ARHGAP22: variants seen among roughly 807,000 people sequenced by gnomAD.
ARHGAP22 encodes rho GTPase-activating protein 22.
In ARHGAP22, 48 loss-of-function variants were observed where a neutral mutation model predicts 59.1. That is an observed-to-expected ratio of 0.81 (90% confidence interval 0.64 to 1.03). The LOEUF is 1.03. Among genes scored for constraint, ARHGAP22 ranks in the 50% least tolerant of loss-of-function variants. ARHGAP22 has a pLI of 0.00. For synonymous variants in ARHGAP22, 445 were observed against 416.4 expected (o/e 1.07, Z -0.84); for missense variants, 1,015 against 958.7 (o/e 1.06, Z -0.78).
chr10:48,582,961 T>C lies in ARHGAP22; in HGVS notation c.226A>G (p.Lys76Glu). ...GGACATGCACTTCTCACCTGGGGCT[T>C]GATCTCATCTTTGTCCTTGTAGTAG... ...LFYYKDKDEI[K>E]PQGFISLQGT... The change falls in exon 2 of 10, where the codon AAG (lysine) becomes GAG (glutamate). Residue 76 changes from lysine to glutamate, a missense_variant. Physicochemically the swap from Lys to Glu is moderately conservative, Grantham distance 56 (BLOSUM62 1). Transcript: ENST00000249601. The C allele has an allele frequency of 1.9e-6, 3 of 1,614,250 alleles. No individual in the cohort carries two copies. Among genetic ancestry groups the C allele is most frequent in the Non-Finnish European group, 2.5e-6 (3 of 1,180,036 alleles).
chr10:48,606,314 GC>G (rs2060671071), upstream of ARHGAP22, among the ~76,000 whole-genome samples: 1 of 152,114 alleles, frequency 6.6e-6, no homozygotes, highest in South Asian at 2.1e-4. Flanking sequence ...GGAACAGTGT[GC>G]CCTATGGAGA....
intron 3 of ARHGAP22, chr10:48,493,471 C>T: frequency 2.6e-6 from 4 of 1,536,112 alleles, no homozygotes; most frequent in Non-Finnish European, 3.5e-6. Flanking sequence ...CTTCAGACAC[C>T]TGATGGGCCA....
intron 2 of ARHGAP22, among the ~76,000 whole-genome samples, chr10:48,577,030 C>T (rs2058759597): frequency 6.6e-6 from 1 of 151,538 alleles, no homozygotes; most frequent in African/African-American, 2.4e-5. Context: ...TCAAGCATTT[C>T]TCTAAAGACT....
intron 3 of ARHGAP22, among the ~76,000 whole-genome samples, chr10:48,504,894 G>A (rs750175968): frequency 2.6e-5 from 4 of 152,050 alleles, no homozygotes; most frequent in Non-Finnish European, 4.4e-5. Flanking sequence ...GAAGAGTCCC[G>A]GTAGTGATGA....
intron 4 of ARHGAP22, among the ~76,000 whole-genome samples, chr10:48,473,598 C>T (rs1260327056): frequency 6.6e-6 from 1 of 152,162 alleles, no homozygotes; most frequent in Non-Finnish European, 1.5e-5. Flanking sequence ...CATTTTCTCT[C>T]TTAATTCTTA....
chr10:48,619,906 T>C (rs1026965257), intron 1 of ARHGAP22, among the ~76,000 whole-genome samples: 2 of 152,214 alleles, frequency 1.3e-5, no homozygotes. Context: ...AAAGAATGAA[T>C]AGACAAGCTG....
downstream of ARHGAP22, chr10:48,444,761 C>G (rs1340355901): frequency 6.6e-6 from 1 of 152,264 alleles, no homozygotes; most frequent in Non-Finnish European, 1.5e-5. Flanking sequence ...TTCTCCAAGC[C>G]TCCGTTTCTC....
chr10:48,576,956 C>T (rs1351319995), intron 2 of ARHGAP22, among the ~76,000 whole-genome samples: 1 of 147,728 alleles, frequency 6.8e-6, no homozygotes, highest in Non-Finnish European at 1.5e-5. Context: ...CCCAAATCTC[C>T]ATGGTAATTT....
At chr10:48,447,380 G>A (rs1368093661) in intron 9 of ARHGAP22, among the ~76,000 whole-genome samples, 1 of 152,226 alleles carries the variant, frequency 6.6e-6, no homozygotes. Flanking sequence ...CCACATGGCT[G>A]TGGACAGGAC....
chr10:48,493,785 A>G, intron 3 of ARHGAP22: 1 of 622,142 alleles, frequency 1.6e-6, no homozygotes, highest in Non-Finnish European at 2.5e-6. Context: ...TGTGCCTGCC[A>G]CCCTGTGCAC....
At position 48,451,145 on chromosome 10, in the gene ARHGAP22, C is replaced by A. The variant is rs1245708787; in HGVS notation, c.989-5G>T. 1 of 1,551,384 alleles carries A rather than the reference C, an allele frequency of 6.4e-7. No individual in the cohort carries two copies. Among genetic ancestry groups the A allele is most frequent in the South Asian group, 1.2e-5 (1 of 84,098 alleles). ...GGTGCTGGACGAGGGAAGTGCCTGC[C>A]GGGAAGAGAGGCGGAGAAGGGCCTT... On this transcript the variant is annotated splice_polypyrimidine_tract_variant and splice_region_variant and intron_variant, in intron 8 of 9. Transcript: ENST00000249601.
intron 3 of ARHGAP22, among the ~76,000 whole-genome samples, chr10:48,494,567 C>A (rs748390856): frequency 6.6e-6 from 1 of 152,196 alleles, no homozygotes; most frequent in Non-Finnish European, 1.5e-5. Context: ...GTTCATCTGC[C>A]CATCTATCCA....
chr10:48,465,711 G>A (rs535732393), intron 4 of ARHGAP22, among the ~76,000 whole-genome samples: 2 of 152,316 alleles, frequency 1.3e-5, no homozygotes, highest in South Asian at 4.1e-4. Context: ...ACTCTTACAG[G>A]AGCGGGCAAT....
upstream of ARHGAP22, among the ~76,000 whole-genome samples, chr10:48,607,834 G>T (rs531471395): frequency 6.6e-6 from 1 of 152,224 alleles, no homozygotes; most frequent in South Asian, 2.1e-4. Context: ...TATTTTCTAA[G>T]GGCTGTTCAG....
intron 8 of ARHGAP22, chr10:48,451,684 CG>C: frequency 3.3e-6 from 2 of 604,924 alleles, no homozygotes; most frequent in Admixed American, 2.6e-5. Context: ...CACAATCACA[CG>C]TACAATGCAC....
intron 1 of ARHGAP22, among the ~76,000 whole-genome samples, chr10:48,593,504 T>C (rs1268551643): frequency 1.3e-5 from 2 of 152,332 alleles, no homozygotes; most frequent in East Asian, 3.9e-4. Context: ...ACTTTTGTGC[T>C]CTGGAGCCAT....
chr10:48,509,163 C>A (rs2052483650), intron 3 of ARHGAP22, among the ~76,000 whole-genome samples: 1 of 152,216 alleles, frequency 6.6e-6, no homozygotes, highest in African/African-American at 2.4e-5. Context: ...GTGGGGACAG[C>A]CATGAGAAGG....
downstream of ARHGAP22, among the ~76,000 whole-genome samples, chr10:48,441,823 G>A (rs2045209895): frequency 6.6e-6 from 1 of 152,192 alleles, no homozygotes; most frequent in Non-Finnish European, 1.5e-5. Flanking sequence ...GTCCAGGTGA[G>A]TTTTGTCAAG....
chr10:48,447,415 G>A (rs533902594), intron 9 of ARHGAP22, among the ~76,000 whole-genome samples: 3 of 152,202 alleles, frequency 2.0e-5, no homozygotes, highest in African/African-American at 7.2e-5. Context: ...AATGCAGAGG[G>A]TAACTGCTCC....
Sources: allele counts gnomAD v4.1 joint callset (sites outside exome capture counted in the v4.1 genomes callset), GRCh38; gene constraint gnomAD v4.1.1; transcripts MANE v1.5; gene names NCBI Gene and HGNC (gene_info 2026-07-23, HGNC 2026-07-21).